The following DCAF5 variants were observed in gnomAD, a reference collection of about 807,000 sequenced individuals.
The protein encoded by DCAF5 is DDB1- and CUL4-associated factor 5.
In DCAF5, 9 loss-of-function variants were observed where a neutral mutation model predicts 80.7. The observed-to-expected ratio is 0.11, with a 90% confidence interval of 0.07 to 0.19. The LOEUF (loss-of-function observed/expected upper bound fraction) is 0.19. Ranked by LOEUF, DCAF5 falls within the 10% of genes least tolerant of loss-of-function variation. DCAF5 has a pLI of 1.00. For missense variants in DCAF5, 842 were observed against 1,205.7 expected (o/e 0.70, Z 4.47); for synonymous variants, 433 against 461.9 (o/e 0.94, Z 0.80).
At chr14:69,104,105 T>C (rs540328730) in intron 5 of DCAF5, among the ~76,000 whole-genome samples, 5 of 152,214 alleles carry the variant, frequency 3.3e-5, no homozygotes, top group Admixed American at 2.6e-4. Flanking sequence ...CTCCTAGATA[T>C]AGATCCAAGA....
intron 7 of DCAF5, among the ~76,000 whole-genome samples, chr14:69,067,993 A>T (rs1236606082): frequency 6.6e-6 from 1 of 152,210 alleles, no homozygotes; most frequent in Non-Finnish European, 1.5e-5. Context: ...AGAGAAATAA[A>T]GGGGCTGAAA....
At chr14:69,150,587 TA>T (rs1367153011) in intron 1 of DCAF5, among the ~76,000 whole-genome samples, 3 of 152,310 alleles carry the variant, frequency 2.0e-5, no homozygotes, top group East Asian at 3.9e-4. Flanking sequence ...ATAAATTTGT[TA>T]TTTTTTTTAA....
chr14:69,053,317 G>C lies in DCAF5; in HGVS notation c.*540C>G, dbSNP rs2037820798. ...TGCTTTCCTCTCCAGCGCAGCCAAT[G>C]GGCTGAAGGCCTGTTTCCATTCTCC... On this transcript the variant is annotated 3_prime_UTR_variant, in exon 9 of 9. Coordinates refer to ENST00000341516, the MANE Select transcript of DCAF5 (RefSeq NM_003861.3). The C allele has an allele frequency of 6.6e-6, 1 of 152,472 alleles. No individual in the cohort carries two copies. The highest frequency in any genetic ancestry group is 2.4e-5 in the African/African-American group (1 of 41,442). The allele number at this position is 152,472 out of a possible 1,614,324, so 9.4% of individuals were successfully genotyped here. A position where few individuals can be genotyped will look rare whatever the true frequency, so the allele number is the denominator to read the frequency against.
intron 5 of DCAF5, among the ~76,000 whole-genome samples, chr14:69,100,066 G>C (rs1031484670): frequency 6.6e-6 from 1 of 152,098 alleles, no homozygotes; most frequent in South Asian, 2.1e-4. Context: ...GAATTCAGCA[G>C]GTATTAAATA....
intron 6 of DCAF5, chr14:69,090,966 C>A: frequency 1.6e-6 from 1 of 637,344 alleles, no homozygotes; most frequent in African/African-American, 1.8e-5. Flanking sequence ...CTTTCCTCGG[C>A]TTGGTGACCC....
At position 69,121,267 on chromosome 14, in the gene DCAF5, G is replaced by T. The variant is rs1220476618; in HGVS notation, c.358+950C>A. The stretch of plus-strand genomic sequence containing the variant: ...TTGTGTATGCAATGAATTCAAAGGA[G>T]AATTAGAGAGTGGTAACAGAAATCA... On this transcript the variant is annotated intron_variant, in intron 2 of 8. Transcript: ENST00000341516. 2.0e-5 allele frequency among the ~76,000 whole-genome samples: 3 copies of T among 152,142 alleles called. No individual in the cohort carries two copies. The East Asian group carries it at 5.8e-4, about 29-fold the overall frequency.
chr14:69,077,588 G>C (rs901823440), intron 6 of DCAF5, among the ~76,000 whole-genome samples: 1 of 151,846 alleles, frequency 6.6e-6, no homozygotes, highest in Non-Finnish European at 1.5e-5. Context: ...CCATTGCCCA[G>C]GCTGGTCTCA....
At chr14:69,081,636 A>AG (rs1255811001) in intron 6 of DCAF5, among the ~76,000 whole-genome samples, 1 of 152,130 alleles carries the variant, frequency 6.6e-6, no homozygotes, top group Non-Finnish European at 1.5e-5. Flanking sequence ...GATTTCAGGA[A>AG]GGAACCACCA....
At chr14:69,112,087 C>A (rs924663349) in intron 5 of DCAF5, among the ~76,000 whole-genome samples, 3 of 152,208 alleles carry the variant, frequency 2.0e-5, no homozygotes, top group Non-Finnish European at 4.4e-5. Context: ...TAAGAAACTA[C>A]AATTTTACTT....
At chr14:69,098,085 G>C (rs746704584) in intron 5 of DCAF5, among the ~76,000 whole-genome samples, 1 of 152,102 alleles carries the variant, frequency 6.6e-6, no homozygotes, top group Admixed American at 6.5e-5. Context: ...ATGCCAGCAA[G>C]GCCCTAGACA....
intron 6 of DCAF5, chr14:69,091,107 A>C (rs1256679482): frequency 1.3e-6 from 1 of 757,780 alleles, no homozygotes; most frequent in Non-Finnish European, 2.4e-6. Context: ...GGTGAGACTC[A>C]GAAAAGGCTG....
intron 1 of DCAF5, among the ~76,000 whole-genome samples, chr14:69,135,424 A>G (rs2041161211): frequency 6.6e-6 from 1 of 152,260 alleles, no homozygotes; most frequent in Non-Finnish European, 1.5e-5. Flanking sequence ...ATGACAAAAT[A>G]GAAAGTACAC....
chr14:69,051,184 A>T lies in DCAF5; in HGVS notation c.*2673T>A, dbSNP rs2037747799. The T allele has an allele frequency of 6.6e-6, 1 of 152,652 alleles. No individual in the cohort carries two copies. The highest frequency in any genetic ancestry group is 1.5e-5 in the Non-Finnish European group (1 of 68,050). 9.5% of individuals were successfully genotyped at this position (152,652 alleles called of 1,614,324 possible). ...TTTACATATCTGGACCTGCCACTTAAAACTTTATGTACAGAATGCAGGAAA... is the reference window on the plus strand; with the variant it reads ...TTTACATATCTGGACCTGCCACTTATAACTTTATGTACAGAATGCAGGAAA... On this transcript the variant is annotated 3_prime_UTR_variant, in exon 9 of 9. Coordinates refer to ENST00000341516, the MANE Select transcript of DCAF5 (RefSeq NM_003861.3).
chr14:69,148,707 A>G (rs1380942575), intron 1 of DCAF5, among the ~76,000 whole-genome samples: 8 of 151,900 alleles, frequency 5.3e-5, no homozygotes, highest in African/African-American at 1.7e-4. Flanking sequence ...CCACCGCCCA[A>G]AAAAAAAGTA....
At chr14:69,084,746 G>T (rs746612413) in intron 6 of DCAF5, 78 of 1,231,230 alleles carry the variant, frequency 6.3e-5, no homozygotes, top group Non-Finnish European at 8.8e-5. Flanking sequence ...GGCCATTCAT[G>T]GAAAGCAAAA....
intron 1 of DCAF5, among the ~76,000 whole-genome samples, chr14:69,145,710 T>G (rs571295865): frequency 5.3e-4 from 81 of 152,352 alleles, no homozygotes; most frequent in African/African-American, 1.9e-3. Context: ...AAAACAGAAC[T>G]GATTCCTTCT....
intron 1 of DCAF5, among the ~76,000 whole-genome samples, chr14:69,148,102 CAAA>C (rs71446373): frequency 2.5e-4 from 23 of 91,634 alleles, no homozygotes; most frequent in East Asian, 8.3e-4. Flanking sequence ...ATTTTCTTCG[CAAA>C]AAAAAAAAAA....
At chr14:69,111,182 G>T (rs1008014765) in intron 5 of DCAF5, among the ~76,000 whole-genome samples, 5 of 152,178 alleles carry the variant, frequency 3.3e-5, no homozygotes, top group Non-Finnish European at 7.4e-5. Context: ...ATGCAATGTG[G>T]CAGAGATTGT....
At chr14:69,130,166 G>C (rs1399271373) in intron 1 of DCAF5, among the ~76,000 whole-genome samples, 1 of 152,158 alleles carries the variant, frequency 6.6e-6, no homozygotes, top group African/African-American at 2.4e-5. Flanking sequence ...GTAAGGATTT[G>C]CTTTGGGTTT....
Sources: gnomAD v4.1 joint callset for allele counts (sites outside exome capture counted in the v4.1 genomes callset) on GRCh38, gnomAD v4.1.1 for gene constraint, MANE v1.5 for transcripts, NCBI Gene and HGNC (gene_info 2026-07-23, HGNC 2026-07-21) for gene names.